Variants in MAPK1IP1L observed in about 807,000 individuals in gnomAD.
The protein encoded by MAPK1IP1L is mitogen-activated protein kinase 1 interacting protein 1 like, also known as MAPK-interacting and spindle-stabilizing protein-like.
Under a neutral mutation model 18.1 loss-of-function variants are expected in MAPK1IP1L, and 10 were observed. The ratio of observed to expected loss-of-function variants is 0.55; its 90% CI spans 0.34 to 0.94. The LOEUF (loss-of-function observed/expected upper bound fraction) is 0.94. MAPK1IP1L is among the 40% of genes least tolerant of loss of function. MAPK1IP1L has a pLI of 0.02. For missense variants in MAPK1IP1L, 260 were observed against 318.2 expected, an observed-to-expected ratio of 0.82 and a Z score of 1.39; for synonymous variants, 115 against 117.3, an observed-to-expected ratio of 0.98 and a Z score of 0.13.
Position 55,069,665 on chromosome 14 carries a change from CTT to C in MAPK1IP1L, c.*5040_*5041del, listed in dbSNP as rs894481062. The C allele has an allele frequency of 6.6e-6, 1 of 152,186 alleles. No homozygotes were observed. Among genetic ancestry groups the C allele is most frequent in the African/African-American group, 2.4e-5 (1 of 41,448 alleles). The allele number at this position is 152,186 out of a possible 1,614,324, so 9.4% of individuals were successfully genotyped here. On this transcript the variant is annotated 3_prime_UTR_variant, in exon 4 of 4. Coordinates refer to ENST00000395468, the MANE Select transcript of MAPK1IP1L (RefSeq NM_144578.4). ...GAAGAAAAAAGGGCCTGAGATACCTCTTTGCATGTGACCTGCATTCACTAAGG... is the reference window on the plus strand; with the variant it reads ...GAAGAAAAAAGGGCCTGAGATACCTCTGCATGTGACCTGCATTCACTAAGG...
intron 1 of MAPK1IP1L, chr14:55,060,648 A>G (rs901563267): frequency 6.6e-6 from 1 of 152,222 alleles, no homozygotes; most frequent in Non-Finnish European, 1.5e-5. Flanking sequence ...GACTGCCATG[A>G]GGCAAGGTAG....
intron 1 of MAPK1IP1L, among the ~76,000 whole-genome samples, chr14:55,059,744 C>G (rs944632575): frequency 6.6e-6 from 1 of 152,158 alleles, no homozygotes; most frequent in African/African-American, 2.4e-5. Flanking sequence ...TCTTCTCCAG[C>G]TGTAAACTGG....
At chr14:55,058,831 C>CA (rs113433341) in intron 1 of MAPK1IP1L, among the ~76,000 whole-genome samples, 4,903 of 109,260 alleles carry the variant, frequency 0.045, 88 homozygotes, top group South Asian at 0.079. Flanking sequence ...GACCCTGTCT[C>CA]AAAAAAAAAA....
rs191939530 is a variant in MAPK1IP1L, at chr14:55,069,972, T to C, written c.*5345T>C. ...ACCATTTTCCCACAGGAGATTTCGC[T>C]GGCATTCCTTGGAACTCCCAATTTC... is the stretch of plus-strand genomic sequence containing the variant. On this transcript the variant is annotated 3_prime_UTR_variant, in exon 4 of 4. Coordinates refer to ENST00000395468, the MANE Select transcript of MAPK1IP1L (RefSeq NM_144578.4). 1.3e-5 allele frequency: 2 copies of C among 152,370 alleles called. No individual in the cohort carries two copies. The highest frequency in any genetic ancestry group is 1.3e-4 in the Admixed American group (2 of 15,308). The allele number at this position is 152,370 out of a possible 1,614,324, so 9.4% of individuals were successfully genotyped here.
Position 55,068,639 on chromosome 14 carries a change from G to A in MAPK1IP1L, c.*4012G>A, listed in dbSNP as rs906236517. 1.1e-4 allele frequency: 16 copies of A among 152,224 alleles called. No homozygotes were observed. The highest frequency in any genetic ancestry group is 3.9e-4 in the African/African-American group (16 of 41,456). The allele number at this position is 152,224 out of a possible 1,614,324, so 9.4% of individuals were successfully genotyped here. A position where few individuals can be genotyped will look rare whatever the true frequency, so the allele number is the denominator to read the frequency against. The stretch of plus-strand genomic sequence containing the variant: ...TACTATGCATAGAAAGTTGTAGGTG[G>A]CGTTCAGGGAAGACTTTGATTTTAA... On this transcript the variant is annotated 3_prime_UTR_variant, in exon 4 of 4. Transcript: ENST00000395468.
intron 1 of MAPK1IP1L, among the ~76,000 whole-genome samples, chr14:55,053,310 C>T (rs2042745237): frequency 6.6e-6 from 1 of 152,214 alleles, no homozygotes; most frequent in Non-Finnish European, 1.5e-5. Context: ...GCCGAACCAA[C>T]CAGTGAAGAG....
rs1438363347 is a variant in MAPK1IP1L at position 55,064,739 on chromosome 14, C to A, written c.*112C>A. On this transcript the variant is annotated 3_prime_UTR_variant, in exon 4 of 4. Coordinates refer to ENST00000395468, the MANE Select transcript of MAPK1IP1L (RefSeq NM_144578.4). Reference sequence around the variant, plus strand: ...CTATTAGAGGGCATTCATGAAAGAACAACTCTTGCACCTCTCAGAGAAGAT... The same window carrying A: ...CTATTAGAGGGCATTCATGAAAGAAAAACTCTTGCACCTCTCAGAGAAGAT... 26 of 974,630 alleles carry A rather than the reference C, an allele frequency of 2.7e-5. No individual in the cohort carries two copies. The highest frequency in any genetic ancestry group is 4.0e-5 in the Non-Finnish European group (25 of 622,174). 60.4% of individuals were successfully genotyped at this position (974,630 alleles called of 1,614,324 possible).
At chr14:55,054,223 C>T (rs1243669532) in intron 1 of MAPK1IP1L, among the ~76,000 whole-genome samples, 1 of 146,664 alleles carries the variant, frequency 6.8e-6, no homozygotes, top group Non-Finnish European at 1.5e-5. Context: ...CTGTAAGCTC[C>T]GCCTCCCAGG....
At chr14:55,051,871 G>T (rs576072988) in intron 1 of MAPK1IP1L, 68 bp downstream of exon 1, 131 of 427,126 alleles carry the variant, frequency 3.1e-4, no homozygotes, top group African/African-American at 2.4e-3. Flanking sequence ...CGGAGCCCGC[G>T]GGCGCGGCCA....
chr14:55,059,453 G>A (rs1228139572), intron 1 of MAPK1IP1L, among the ~76,000 whole-genome samples: 1 of 152,084 alleles, frequency 6.6e-6, no homozygotes, highest in African/African-American at 2.4e-5. Context: ...GCAACATGGT[G>A]AAACTCCATC....
intron 2 of MAPK1IP1L, among the ~76,000 whole-genome samples, chr14:55,062,172 T>C (rs1048212158): frequency 1.3e-5 from 2 of 152,224 alleles, no homozygotes; most frequent in African/African-American, 4.8e-5. Flanking sequence ...TACCAGGCAC[T>C]CTGTGAAAGT....
chr14:55,061,321 C>G (rs1177052165), intron 1 of MAPK1IP1L, among the ~76,000 whole-genome samples: 2 of 152,166 alleles, frequency 1.3e-5, no homozygotes, highest in Non-Finnish European at 2.9e-5. Context: ...TATCTGTTGA[C>G]TCTAAATTCC....
chr14:55,059,301 A>G (rs1028249077), intron 1 of MAPK1IP1L, among the ~76,000 whole-genome samples: 20 of 151,654 alleles, frequency 1.3e-4, no homozygotes, highest in African/African-American at 4.8e-4. Flanking sequence ...AAGCTTCTGT[A>G]ATTAAAATGG....
Position 55,067,878 on chromosome 14 carries a change from T to C in MAPK1IP1L, c.*3251T>C, listed in dbSNP as rs2042877203. On this transcript the variant is annotated 3_prime_UTR_variant, in exon 4 of 4. Coordinates refer to ENST00000395468, the MANE Select transcript of MAPK1IP1L (RefSeq NM_144578.4). ...GAAGAATTTTCAAATCTAATGGAAA[T>C]AGTTGAGGTGTTCAGGAATGCTGTT... The C allele has an allele frequency of 1.3e-5, 2 of 152,184 alleles. No individual in the cohort carries two copies. Among genetic ancestry groups the C allele is most frequent in the South Asian group, 4.1e-4 (2 of 4,828 alleles). The allele number at this position is 152,184 out of a possible 1,614,324, so 9.4% of individuals were successfully genotyped here. A position where few individuals can be genotyped will look rare whatever the true frequency, so the allele number is the denominator to read the frequency against.
chr14:55,060,635 A>G (rs2042810779), intron 1 of MAPK1IP1L: 3 of 152,226 alleles, frequency 2.0e-5, no homozygotes, highest in Non-Finnish European at 4.4e-5. Context: ...TAAGTCAAAA[A>G]TTGACTGCCA....
intron 1 of MAPK1IP1L, among the ~76,000 whole-genome samples, chr14:55,056,419 C>G (rs765183756): frequency 6.6e-6 from 1 of 152,026 alleles, no homozygotes; most frequent in Non-Finnish European, 1.5e-5. Context: ...TACAACTTAC[C>G]GTATATTTTC....
At chr14:55,060,167 T>A (rs1255162987) in intron 1 of MAPK1IP1L, among the ~76,000 whole-genome samples, 1 of 111,818 alleles carries the variant, frequency 8.9e-6, no homozygotes, top group Admixed American at 9.1e-5. Context: ...TTTTTTTTTT[T>A]TTTTTTTTTT....
rs17832311 is a variant in MAPK1IP1L, at chr14:55,067,748, A to G, written c.*3121A>G. ...AACAATGTTGCTTTCAAAACAAGAC[A>G]TGCTAGGCTGAAACTGATTTATGGA... On this transcript the variant is annotated 3_prime_UTR_variant, in exon 4 of 4. Transcript: ENST00000395468. 76,881 of 152,042 alleles carry G rather than the reference A, an allele frequency of 0.51. 21,377 individuals carry two copies. Among genetic ancestry groups the G allele is most frequent in the African/African-American group, 0.74 (30,568 of 41,462 alleles). The allele number at this position is 152,042 out of a possible 1,614,324, so 9.4% of individuals were successfully genotyped here. A position where few individuals can be genotyped will look rare whatever the true frequency, so the allele number is the denominator to read the frequency against.
chr14:55,054,177 CTT>C (rs371063665), intron 1 of MAPK1IP1L, among the ~76,000 whole-genome samples: 58 of 127,246 alleles, frequency 4.6e-4, no homozygotes, highest in African/African-American at 1.3e-3. Flanking sequence ...TTTATATTTT[CTT>C]TTTTTTTTTT....
Sources: gnomAD v4.1 joint callset for allele counts (sites outside exome capture counted in the v4.1 genomes callset) on GRCh38, gnomAD v4.1.1 for gene constraint, MANE v1.5 for transcripts, NCBI Gene and HGNC (gene_info 2026-07-23, HGNC 2026-07-21) for gene names.